Variants in PCDH11X observed in about 807,000 individuals in gnomAD.
The protein encoded by PCDH11X is protocadherin-11 X-linked.
In PCDH11X, 18 loss-of-function variants were observed where a neutral mutation model predicts 53.3. The observed-to-expected ratio is 0.34, with a 90% CI of 0.23 to 0.50. PCDH11X has a LOEUF of 0.50. PCDH11X is among the 20% of genes least tolerant of loss of function. The pLI is 0.98. For synonymous variants in PCDH11X, 279 were observed against 393.3 expected (o/e 0.71, Z 3.44); for missense variants, 570 against 1,032.4 (o/e 0.55, Z 6.14).
intron 6 of PCDH11X, among the ~76,000 whole-genome samples, chrX:92,004,635 C>A (rs1311849228): frequency 2.7e-5 from 3 of 110,261 alleles, no homozygotes; most frequent in African/African-American, 9.9e-5. Flanking sequence ...ATATAGTGAA[C>A]TTCTTTGTCT....
chrX:92,366,357 TCTAC>T (rs956037776), intron 8 of PCDH11X, among the ~76,000 whole-genome samples: 7 of 110,454 alleles, frequency 6.3e-5, no homozygotes, highest in Non-Finnish European at 1.3e-4. Context: ...TTTTATTATG[TCTAC>T]CTGATTCTTC....
chrX:92,532,863 A>T (rs923742434), intron 10 of PCDH11X, among the ~76,000 whole-genome samples: 3 of 111,756 alleles, frequency 2.7e-5, no homozygotes, highest in Non-Finnish European at 5.6e-5. Context: ...GGAGCTAGTC[A>T]TGTCTTACAT....
At chrX:92,087,447 G>C (rs1308975214) in intron 6 of PCDH11X, among the ~76,000 whole-genome samples, 2 of 109,983 alleles carry the variant, frequency 1.8e-5, no homozygotes, top group African/African-American at 6.6e-5. Context: ...GACCCTTCAC[G>C]ACTGGGCTCA....
chrX:92,571,260 G>A (rs1161851043), intron 10 of PCDH11X, among the ~76,000 whole-genome samples: 1 of 111,064 alleles, frequency 9.0e-6, no homozygotes, highest in Non-Finnish European at 1.9e-5. Context: ...AAGGAGCAAT[G>A]TATGGCTGCT....
At chrX:92,144,279 C>T (rs1351944588) in intron 6 of PCDH11X, among the ~76,000 whole-genome samples, 3 of 108,306 alleles carry the variant, frequency 2.8e-5, no homozygotes, top group Admixed American at 9.9e-5. Flanking sequence ...TGAGGACATG[C>T]GATTTGGAGG....
At chrX:91,945,048 C>CATACATATATATATATATATAT (rs1490903695) in intron 6 of PCDH11X, among the ~76,000 whole-genome samples, 1 of 63,242 alleles carries the variant, frequency 1.6e-5, no homozygotes, top group Non-Finnish European at 3.1e-5. Flanking sequence ...ACATCATATA[C>CATACATATATATATATATATAT]ATATATATAT....
chrX:92,192,358 T>C (rs1418124661), intron 6 of PCDH11X, among the ~76,000 whole-genome samples: 1 of 112,263 alleles, frequency 8.9e-6, no homozygotes, highest in Non-Finnish European at 1.9e-5. Context: ...GTTTGTTTAT[T>C]TTTGAGATGG....
At chrX:91,991,134 A>G (rs1047703594) in intron 6 of PCDH11X, among the ~76,000 whole-genome samples, 1 of 106,651 alleles carries the variant, frequency 9.4e-6, no homozygotes, top group Non-Finnish European at 1.9e-5. Flanking sequence ...TCTGATATCA[A>G]CCTGAAGCGG....
At chrX:92,134,557 G>A (rs1216280022) in intron 6 of PCDH11X, among the ~76,000 whole-genome samples, 7 of 111,268 alleles carry the variant, frequency 6.3e-5, no homozygotes, top group Non-Finnish European at 1.3e-4. Flanking sequence ...CCTCAAAAGA[G>A]GATTCTTGGA....
At chrX:92,057,680 TTC>T (rs925634558) in intron 6 of PCDH11X, among the ~76,000 whole-genome samples, 11 of 107,000 alleles carry the variant, frequency 1.0e-4, no homozygotes, top group Non-Finnish European at 2.1e-4. Flanking sequence ...TGAATTTACA[TTC>T]TGTTTGCCAT....
chrX:92,077,903 A>G (rs1397932314), intron 6 of PCDH11X, among the ~76,000 whole-genome samples: 2 of 110,499 alleles, frequency 1.8e-5, no homozygotes, highest in Non-Finnish European at 3.8e-5. Context: ...ATCTTTCATT[A>G]TAGTAATGAA....
intron 7 of PCDH11X, among the ~76,000 whole-genome samples, chrX:92,221,524 C>T (rs1242263619): frequency 1.8e-5 from 2 of 110,582 alleles, no homozygotes; most frequent in Middle Eastern, 4.7e-3. Flanking sequence ...AACAAAAATT[C>T]TGTTGATTCA....
chrX:92,265,820 TA>T (rs1280942287), intron 8 of PCDH11X, among the ~76,000 whole-genome samples: 2 of 112,180 alleles, frequency 1.8e-5, no homozygotes, highest in Non-Finnish European at 3.8e-5. Context: ...CTTGGAATCG[TA>T]AAACAAATAC....
intron 9 of PCDH11X, among the ~76,000 whole-genome samples, chrX:92,414,925 T>G (rs1193851063): frequency 9.0e-6 from 1 of 110,612 alleles, no homozygotes; most frequent in African/African-American, 3.3e-5. Flanking sequence ...AATTTCATTT[T>G]CAGAAGGTAA....
intron 1 of PCDH11X, among the ~76,000 whole-genome samples, chrX:91,804,129 T>A (rs1254388717): frequency 8.9e-6 from 1 of 112,244 alleles, no homozygotes; most frequent in African/African-American, 3.2e-5. Flanking sequence ...TGATACATTC[T>A]CTCTTTTTAC....
At chrX:92,594,396 G>T (rs1925352295) in intron 10 of PCDH11X, among the ~76,000 whole-genome samples, 1 of 111,092 alleles carries the variant, frequency 9.0e-6, no homozygotes. Flanking sequence ...TTGTCAAGTA[G>T]AAAATTGTGT....
At chrX:92,013,398 G>T (rs1230854917) in intron 6 of PCDH11X, among the ~76,000 whole-genome samples, 5 of 111,433 alleles carry the variant, frequency 4.5e-5, no homozygotes, top group Admixed American at 2.9e-4. Context: ...CAAACAAATG[G>T]AAGAACATTC....
intron 6 of PCDH11X, among the ~76,000 whole-genome samples, chrX:92,200,576 A>G (rs1485690240): frequency 8.9e-6 from 1 of 112,483 alleles, no homozygotes; most frequent in Non-Finnish European, 1.9e-5. Flanking sequence ...ATAAGTAACA[A>G]CTGAACATCT....
chrX:92,363,012 T>G (rs2148541724), intron 8 of PCDH11X, among the ~76,000 whole-genome samples: 1 of 110,908 alleles, frequency 9.0e-6, no homozygotes, highest in Non-Finnish European at 1.9e-5. Flanking sequence ...TTGGTCTATT[T>G]ATCTGTCTTT....
Sources: allele counts gnomAD v4.1 joint callset (sites outside exome capture counted in the v4.1 genomes callset), GRCh38; gene constraint gnomAD v4.1.1; transcripts MANE v1.5; gene names NCBI Gene and HGNC (gene_info 2026-07-23, HGNC 2026-07-21).